The following WDCP variants were observed in gnomAD, a reference collection of about 807,000 sequenced individuals.
WDCP encodes the protein WD repeat and coiled coil containing.
WDCP carries 19 observed loss-of-function variants against 41.6 expected under a neutral mutation model. The observed-to-expected ratio is 0.46, with a 90% CI of 0.32 to 0.67. WDCP has a LOEUF of 0.67. WDCP is among the 30% of genes least tolerant of loss of function. The probability of loss-of-function intolerance (pLI) is 0.04; values close to 1 mark genes in which losing one functional copy is unlikely to be tolerated. For synonymous variants in WDCP, 302 were observed against 320.8 expected, an observed-to-expected ratio of 0.94 and a Z score of 0.63; for missense variants, 802 against 850.7, an observed-to-expected ratio of 0.94 and a Z score of 0.71.
chr2:24,034,305 C>T (rs551785147), intron 2 of WDCP, among the ~76,000 whole-genome samples: 127 of 152,218 alleles, frequency 8.3e-4, no homozygotes, highest in African/African-American at 2.9e-3. Context: ...CCTGTAATCC[C>T]AACTACCTGG....
At chr2:24,041,915 T>C (rs1663450573) in intron 1 of WDCP, among the ~76,000 whole-genome samples, 2 of 151,222 alleles carry the variant, frequency 1.3e-5, no homozygotes, top group African/African-American at 4.9e-5. Flanking sequence ...ATAAGGACAT[T>C]ATTTGGATAA....
At position 24,046,892 on chromosome 2, in the gene WDCP, T is replaced by A. The variant is rs190098266; in HGVS notation, c.-19+422A>T. Among the ~76,000 whole-genome samples, 4 of 152,176 alleles carry A rather than the reference T, an allele frequency of 2.6e-5. No individual in the cohort carries two copies. The South Asian group carries it at 8.3e-4, about 32-fold the overall frequency. Reference sequence around the variant, plus strand: ...AACATTATATATTAGCATTTCCCTATGTTATTTAAAAGTTTAATAAATTAG... The same window carrying A: ...AACATTATATATTAGCATTTCCCTAAGTTATTTAAAAGTTTAATAAATTAG... On this transcript the variant is annotated intron_variant, in intron 1 of 3. Transcript: ENST00000295148.
intron 2 of WDCP, among the ~76,000 whole-genome samples, chr2:24,034,922 T>G (rs1663198736): frequency 6.6e-6 from 1 of 151,894 alleles, no homozygotes; most frequent in South Asian, 2.1e-4. Flanking sequence ...AAATTTTACA[T>G]TTATAAGTGT....
At chr2:24,033,914 CTG>C (rs771398777) in intron 2 of WDCP, among the ~76,000 whole-genome samples, 2 of 152,070 alleles carry the variant, frequency 1.3e-5, no homozygotes, top group Non-Finnish European at 2.9e-5. Context: ...CTATACATCA[CTG>C]TGGTAGGATG....
At position 24,029,354 on chromosome 2, in the gene WDCP, T is replaced by C. The variant is rs1663048575; in HGVS notation, c.*1579A>G. On this transcript the variant is annotated 3_prime_UTR_variant, in exon 4 of 4. Coordinates refer to ENST00000295148, the MANE Select transcript of WDCP (RefSeq NM_025203.3). ...CATCCAAAACAGCCACAATAACCAT[T>C]AGTGATTTTATTGAAGACTTATTCA... The C allele has an allele frequency of 6.6e-6, 1 of 152,164 alleles. No homozygotes were observed. Among genetic ancestry groups the C allele is most frequent in the African/African-American group, 2.4e-5 (1 of 41,446 alleles). The allele number at this position is 152,164 out of a possible 1,614,324, so 9.4% of individuals were successfully genotyped here. A position where few individuals can be genotyped will look rare whatever the true frequency, so the allele number is the denominator to read the frequency against.
chr2:24,032,241 G>A lies in WDCP; in HGVS notation c.1936+588C>T, dbSNP rs557205739. On this transcript the variant is annotated intron_variant, in intron 3 of 3. Coordinates refer to ENST00000295148, the MANE Select transcript of WDCP (RefSeq NM_025203.3). ...TTTTTTTAAACTTGGCTGAGGCTGG[G>A]TGCAGTGGCTCACGCCTTTAATCCC... is the stretch of plus-strand genomic sequence containing the variant. 5.3e-5 allele frequency among the ~76,000 whole-genome samples: 8 copies of A among 152,290 alleles called. No homozygotes were observed. In the South Asian group the frequency reaches 1.7e-3, roughly 32 times the overall value.
At chr2:24,033,057 C>A in intron 2 of WDCP, 111 bp from the exon 3 acceptor site, 1 of 743,794 alleles carries the variant, frequency 1.3e-6, no homozygotes. Flanking sequence ...TCTATTACCA[C>A]TAATCAACTG....
Position 24,031,044 on chromosome 2 carries a change from G to A in WDCP, c.2055C>T (p.Asp685=). 1.2e-6 allele frequency: 2 copies of A among 1,614,196 alleles called. No homozygotes were observed. Among genetic ancestry groups the A allele is most frequent in the South Asian group, 1.1e-5 (1 of 91,084 alleles). The change falls in exon 4 of 4, where the codon GAC becomes GAT. Residue 685 remains aspartate (D), a synonymous_variant. Transcript: ENST00000295148. ...CAGCACCTGGACTGTGAGAAAAAGA[G>A]TCTCTGAAGACATCTGACCTGGACA... ...GSLSRSDVFR[D]SFSHSPGAVS...
At chr2:24,039,572 G>A in intron 1 of WDCP, 60 bp from the exon 2 acceptor site, 7 of 1,496,778 alleles carry the variant, frequency 4.7e-6, no homozygotes, top group South Asian at 1.3e-5. Flanking sequence ...TAGAATGTAG[G>A]ACATTTGGTA....
chr2:24,038,309 C>A lies in WDCP; in HGVS notation c.1186G>T (p.Asp396Tyr), dbSNP rs1339643641. The change falls in exon 2 of 4, where the codon GAC (aspartate) becomes TAC (tyrosine). Residue 396 changes from aspartate (D) to tyrosine (Y), a missense_variant. Asp to Tyr is a radical substitution (Grantham distance 160). This residue lies in a region of WDCP where 247 missense variants were observed against 240.5 expected (regional missense o/e 1.03). Transcript: ENST00000295148. ...CCTACCAAAATTAGTAATAGTTGGT[C>A]TGTCAAGAAACATATCCCTTTTGGT... ...ERPKGICFLT[D>Y]QLLLILVGKQ... is the part of the protein sequence containing the mutation. The A allele has an allele frequency of 8.7e-6, 14 of 1,614,180 alleles. No individual in the cohort carries two copies. Among genetic ancestry groups the A allele is most frequent in the Non-Finnish European group, 1.2e-5 (14 of 1,180,010 alleles).
chr2:24,036,851 C>T (rs1363064898), intron 2 of WDCP, among the ~76,000 whole-genome samples: 2 of 152,108 alleles, frequency 1.3e-5, no homozygotes, highest in East Asian at 1.9e-4. Flanking sequence ...GAGAAAGTCA[C>T]GAAAGGATCC....
At chr2:24,037,549 T>G in intron 2 of WDCP, 128 bp downstream of exon 2, 1 of 1,095,960 alleles carries the variant, frequency 9.1e-7, no homozygotes. Flanking sequence ...AACTTGCCTG[T>G]AACATAACAT....
At position 24,032,857 on chromosome 2, in the gene WDCP, A is replaced by G. The variant is rs752177669; in HGVS notation, c.1908T>C (p.Phe636=). The change falls in exon 3 of 4, where the codon TTT becomes TTC. Residue 636 remains phenylalanine, a synonymous_variant. Coordinates refer to ENST00000295148, the MANE Select transcript of WDCP (RefSeq NM_025203.3). Reference sequence around the variant, plus strand: ...GTAGCATTTCAATGAGAGAAAGGCCAAAAGTCTGCTGAACTGTACTGAGCC... The same window carrying G: ...GTAGCATTTCAATGAGAGAAAGGCCGAAAGTCTGCTGAACTGTACTGAGCC... ...KLRLSTVQQT[F]GLSLIEMLHD... is the part of the protein sequence containing the mutation. 4.5e-5 allele frequency: 73 copies of G among 1,613,216 alleles called. No individual in the cohort carries two copies. Among genetic ancestry groups the G allele is most frequent in the Non-Finnish European group, 5.9e-5 (70 of 1,179,278 alleles).
rs116735256 is a variant in WDCP at position 24,030,897 on chromosome 2, C to T, written c.*36G>A. On this transcript the variant is annotated 3_prime_UTR_variant, in exon 4 of 4. Transcript: ENST00000295148. ...AAGCAGGCCTTGTTTGTAATGGTCT[C>T]ATCTGAAGAGCTACACAGCAAGGAC... is the stretch of plus-strand genomic sequence containing the variant. 6,235 of 1,506,724 alleles carry T rather than the reference C, an allele frequency of 4.1e-3. 26 individuals are homozygous for T. Among genetic ancestry groups the T allele is most frequent in the Non-Finnish European group, 5.3e-3 (5,763 of 1,085,168 alleles). 93.3% of individuals were successfully genotyped at this position (1,506,724 alleles called of 1,614,324 possible).
At chr2:24,042,690 C>A (rs1468307243) in intron 1 of WDCP, among the ~76,000 whole-genome samples, 19 of 136,566 alleles carry the variant, frequency 1.4e-4, no homozygotes, top group South Asian at 2.4e-4. Flanking sequence ...GCCTGGGCAA[C>A]AAGAGTGAAA....
intron 2 of WDCP, among the ~76,000 whole-genome samples, chr2:24,036,990 GCATA>G (rs767453518): frequency 2.0e-5 from 3 of 152,366 alleles, no homozygotes; most frequent in Non-Finnish European, 4.4e-5. Flanking sequence ...GGACATGCAT[GCATA>G]AAGAAATGCA....
At position 24,039,141 on chromosome 2, in the gene WDCP, G is replaced by A; in HGVS notation, c.354C>T (p.Gly118=). 1 of 1,614,246 alleles carries A rather than the reference G, an allele frequency of 6.2e-7. No homozygotes were observed. Among genetic ancestry groups the A allele is most frequent in the South Asian group, 1.1e-5 (1 of 91,082 alleles). The change falls in exon 2 of 4, where the codon GGC becomes GGT. Residue 118 remains glycine (G), a synonymous_variant. Coordinates refer to ENST00000295148, the MANE Select transcript of WDCP (RefSeq NM_025203.3). ...IRGSLPILPQ[G]CVWHPKCAIL... ...TAGCACATTTTGGGTGCCACACACA[G>A]CCCTGGGGAAGGATAGGTAGTGATC... is the stretch of plus-strand genomic sequence containing the variant.
chr2:24,041,587 C>A (rs1663433306), intron 1 of WDCP, among the ~76,000 whole-genome samples: 1 of 151,744 alleles, frequency 6.6e-6, no homozygotes, highest in South Asian at 2.1e-4. Context: ...ACCCATTACA[C>A]CCAAAGTGTA....
Position 24,037,964 on chromosome 2 carries a change from T to C in WDCP, c.1531A>G (p.Ile511Val), listed in dbSNP as rs1558334211. Reference protein sequence around the residue: ...SPLSSICDGSIALDAEPVTQP... With the variant: ...SPLSSICDGSVALDAEPVTQP... ...GTAACAGGCTCAGCATCTAGAGCTA[T>C]GGAGCCATCACAGATACTAGACAGA... The change falls in exon 2 of 4, where the codon ATA (isoleucine) becomes GTA (valine). Residue 511 changes from isoleucine (I) to valine (V), a missense_variant. By Grantham distance (29) the Ile-to-Val change is conservative (BLOSUM62 3). Around this residue, in one of 5 missense-constraint regions of WDCP, gnomAD observed 321 missense variants for 305.1 expected, o/e 1.05. Transcript: ENST00000295148. The C allele has an allele frequency of 2.5e-6, 4 of 1,614,236 alleles. No homozygotes were observed. The highest frequency in any genetic ancestry group is 2.5e-6 in the Non-Finnish European group (3 of 1,180,028).
Sources: allele counts gnomAD v4.1 joint callset (sites outside exome capture counted in the v4.1 genomes callset), GRCh38; gene constraint gnomAD v4.1.1; regional missense constraint gnomAD v4.1.1; transcripts MANE v1.5; gene names NCBI Gene and HGNC (gene_info 2026-07-23, HGNC 2026-07-21).